Variants in TRMT6 observed in about 807,000 individuals in gnomAD.
TRMT6 encodes the protein tRNA (adenine(58)-N(1))-methyltransferase non-catalytic subunit TRM6.
TRMT6 carries 34 observed loss-of-function variants against 59.0 expected under a neutral mutation model. The ratio of observed to expected loss-of-function variants is 0.58; its 90% CI spans 0.44 to 0.77. The LOEUF (loss-of-function observed/expected upper bound fraction) is 0.77, where lower values mean the gene tolerates loss of function less well. Ranked by LOEUF, TRMT6 falls within the 30% of genes least tolerant of loss-of-function variation. TRMT6 has a pLI of 0.00. For synonymous variants in TRMT6, 217 were observed against 210.5 expected (o/e 1.03, Z -0.27); for missense variants, 575 against 604.5 (o/e 0.95, Z 0.51).
At chr20:5,942,395 T>C in intron 7 of TRMT6, 33 bp downstream of exon 7, 2 of 1,577,434 alleles carry the variant, frequency 1.3e-6, no homozygotes, top group Non-Finnish European at 1.7e-6. Context: ...GGACTGAGAT[T>C]ATGGGGGTGG....
intron 10 of TRMT6, among the ~76,000 whole-genome samples, chr20:5,940,518 C>A (rs1294979025): frequency 6.6e-6 from 1 of 151,954 alleles, no homozygotes; most frequent in Non-Finnish European, 1.5e-5. Flanking sequence ...TCTGACATAA[C>A]AAGAGAAAAA....
intron 8 of TRMT6, 162 bp from the exon 9 acceptor site, chr20:5,941,507 G>T: frequency 1.6e-6 from 1 of 624,036 alleles, no homozygotes. Flanking sequence ...ACAATCATGA[G>T]CTATTTCTTT....
chr20:5,937,800 G>A lies in TRMT6; in HGVS notation c.*735C>T, dbSNP rs534193940. The A allele has an allele frequency of 4.3e-4, 66 of 152,286 alleles. 1 individual carries two copies. The highest frequency in any genetic ancestry group is 1.4e-3 in the African/African-American group (58 of 41,552). The allele number at this position is 152,286 out of a possible 1,614,324, so 9.4% of individuals were successfully genotyped here. A position where few individuals can be genotyped will look rare whatever the true frequency, so the allele number is the denominator to read the frequency against. On this transcript the variant is annotated 3_prime_UTR_variant, in exon 11 of 11. Transcript: ENST00000203001. ...CCAACATCTATATACATATGTGTGT[G>A]TGTGCAAATGTGTATCCATAAGACC...
chr20:5,941,385 T>C, intron 8 of TRMT6, 40 bp from the exon 9 acceptor site: 1 of 1,452,176 alleles, frequency 6.9e-7, no homozygotes, highest in Non-Finnish European at 9.6e-7. Context: ...CTCTACACCC[T>C]CAAAGTGGAG....
intron 5 of TRMT6, 90 bp downstream of exon 5, chr20:5,943,858 G>C (rs2088681294): frequency 6.5e-7 from 1 of 1,534,396 alleles, no homozygotes; most frequent in South Asian, 1.3e-5. Context: ...CTTTATGCAG[G>C]TGAGCAAGCT....
At position 5,941,959 on chromosome 20, in the gene TRMT6, G is replaced by A. The variant is rs891609748; in HGVS notation, c.1104C>T (p.Asn368=). 1.2e-5 allele frequency: 20 copies of A among 1,613,058 alleles called. No homozygotes were observed. The highest frequency in any genetic ancestry group is 3.3e-5 in the Admixed American group (2 of 59,996). ...LEAAALLSER[N]ADGLIVASRF... ...TTCTTCCATCAACGCACCCATCTGCGTTTCTTTCACTCAGCAGAGCGGCAG... is the reference window on the plus strand; with the variant it reads ...TTCTTCCATCAACGCACCCATCTGCATTTCTTTCACTCAGCAGAGCGGCAG... Residue 368 remains asparagine, a synonymous_variant, in exon 8 of 11, where the codon AAC becomes AAT. Coordinates refer to ENST00000203001, the MANE Select transcript of TRMT6 (RefSeq NM_015939.5).
Position 5,942,761 on chromosome 20 carries a change from G to A in TRMT6, c.693C>T (p.Tyr231=), listed in dbSNP as rs762964729. 3 of 1,613,342 alleles carry A rather than the reference G, an allele frequency of 1.9e-6. No homozygotes were observed. Among genetic ancestry groups the A allele is most frequent in the South Asian group, 1.1e-5 (1 of 91,056 alleles). Residue 231 remains tyrosine, a synonymous_variant, in exon 7 of 11, where the codon TAC becomes TAT. Coordinates refer to ENST00000203001, the MANE Select transcript of TRMT6 (RefSeq NM_015939.5). ...CTGCCCGAACAGGTCCTCCTCCAGG[G>A]TATAGCTGAATAATGGAGCCAAAAC... The part of the protein sequence containing the change: ...MGGFGSIIQL[Y]PGGGPVRAAT...
chr20:5,950,104 T>C (rs922026352), intron 1 of TRMT6, among the ~76,000 whole-genome samples, 174 bp downstream of exon 1: 1 of 151,914 alleles, frequency 6.6e-6, no homozygotes, highest in African/African-American at 2.4e-5. Flanking sequence ...GACGGGATCC[T>C]GGTGGAAAAG....
Position 5,942,535 on chromosome 20 carries a change from C to T in TRMT6, c.919G>A (p.Ala307Thr). 1.2e-6 allele frequency: 2 copies of T among 1,613,992 alleles called. No individual in the cohort carries two copies. Residue 307 changes from alanine (A) to threonine (T), a missense_variant, in exon 7 of 11, where the codon GCA (alanine) becomes ACA (threonine). By Grantham distance (58) the Ala-to-Thr change is moderately conservative (BLOSUM62 0). Coordinates refer to ENST00000203001, the MANE Select transcript of TRMT6 (RefSeq NM_015939.5). ...GGGTGGTTGCTCTCTGGGGCCTCTG[C>T]CATGCTGTCTTCATTCTCTTGTTCA... is the stretch of plus-strand genomic sequence containing the variant. ...ASEQENEDSMAEAPESNHPED... is the reference protein window; with the variant it reads ...ASEQENEDSMTEAPESNHPED...
Position 5,943,481 on chromosome 20 carries a change from C to A in TRMT6, c.667+78G>T, listed in dbSNP as rs529313785. ...CCCTGAAGTAATTCAATTTGGCTTT[C>A]CATGAGTTTACATTTTTGGACCACC... On this transcript the variant is annotated intron_variant, in intron 6 of 10. Transcript: ENST00000203001. The A allele has an allele frequency of 9.1e-5, 144 of 1,575,208 alleles. 1 individual carries two copies. The South Asian group carries it at 1.6e-3, about 17-fold the overall frequency.
At chr20:5,939,750 C>T (rs143048217) in intron 10 of TRMT6, among the ~76,000 whole-genome samples, 2 of 152,270 alleles carry the variant, frequency 1.3e-5, no homozygotes, top group East Asian at 1.9e-4. Context: ...GCCAAGGCAA[C>T]TTCTCTCCTC....
At chr20:5,942,857 TC>T in intron 6 of TRMT6, 71 bp from the exon 7 acceptor site, 1 of 1,143,630 alleles carries the variant, frequency 8.7e-7, no homozygotes, top group Non-Finnish European at 1.3e-6. Context: ...CAGTGAGTCC[TC>T]CACAGTAATG....
At chr20:5,941,896 C>T (rs1454513218) in intron 8 of TRMT6, 55 bp downstream of exon 8, 1 of 1,431,678 alleles carries the variant, frequency 7.0e-7, no homozygotes, top group Non-Finnish European at 9.8e-7. Context: ...GCCAATCTGT[C>T]TGAAGCAGAG....
intron 8 of TRMT6, 106 bp downstream of exon 8, chr20:5,941,845 C>A (rs560311034): frequency 1.0e-6 from 1 of 966,748 alleles, no homozygotes; most frequent in South Asian, 1.6e-5. Context: ...ATCCTCATCT[C>A]GGGTCCCACT....
rs751049450 is a variant in TRMT6 at position 5,941,105 on chromosome 20, CT to C, written c.1249del (p.Arg417GlyfsTer29). On this transcript the variant is annotated frameshift_variant, in exon 10 of 11. Coordinates refer to ENST00000203001, the MANE Select transcript of TRMT6 (RefSeq NM_015939.5). LOFTEE classifies it high-confidence loss of function. ...CAGCCTGAGGTTGATGACCCCTCCC[CT>C]CTCCCGCAGTTTTGTGTAGCATTCC... ...LLECYTKLRE[R>X]GGVINLRLSE... 2 of 1,614,200 alleles carry C rather than the reference CT, an allele frequency of 1.2e-6. No homozygotes were observed. Among genetic ancestry groups the C allele is most frequent in the Admixed American group, 1.7e-5 (1 of 60,026 alleles).
chr20:5,950,530 T>G lies in TRMT6; in HGVS notation c.-125A>C. Reference sequence around the variant, plus strand: ...CTCCGACCGGCACCGCCCCCACGTGTTGCACGCCGCTTCCGCTTTCCGGCC... The same window carrying G: ...CTCCGACCGGCACCGCCCCCACGTGGTGCACGCCGCTTCCGCTTTCCGGCC... On this transcript the variant is annotated 5_prime_UTR_variant, in exon 1 of 11. Coordinates refer to ENST00000203001, the MANE Select transcript of TRMT6 (RefSeq NM_015939.5). The G allele has an allele frequency of 2.7e-6, 3 of 1,107,972 alleles. No homozygotes were observed. Among genetic ancestry groups the G allele is most frequent in the Non-Finnish European group, 3.7e-6 (3 of 820,858 alleles). 68.6% of individuals were successfully genotyped at this position (1,107,972 alleles called of 1,614,324 possible).
chr20:5,943,842 AG>A, intron 5 of TRMT6, 105 bp downstream of exon 5: 1 of 1,525,412 alleles, frequency 6.6e-7, no homozygotes, highest in South Asian at 1.3e-5. Flanking sequence ...ATGAGGTAGG[AG>A]GATACTTTAT....
chr20:5,945,948 C>A (rs554309750), intron 2 of TRMT6, among the ~76,000 whole-genome samples: 3 of 152,104 alleles, frequency 2.0e-5, no homozygotes, highest in Non-Finnish European at 4.4e-5. Flanking sequence ...TGTTTATGAC[C>A]CTATTTTACA....
chr20:5,939,347 G>A (rs1486437209), intron 10 of TRMT6, among the ~76,000 whole-genome samples: 2 of 152,018 alleles, frequency 1.3e-5, no homozygotes, highest in Admixed American at 1.3e-4. Flanking sequence ...CAGGCGTGGT[G>A]GCACACAGCT....
Sources: gnomAD v4.1 joint callset for allele counts (sites outside exome capture counted in the v4.1 genomes callset) on GRCh38, gnomAD v4.1.1 for gene constraint, MANE v1.5 for transcripts, NCBI Gene and HGNC (gene_info 2026-07-23, HGNC 2026-07-21) for gene names.